STS: variants seen among roughly 807,000 people sequenced by gnomAD.
STS encodes the protein steryl-sulfatase.
STS carries 7 observed loss-of-function variants against 26.8 expected under a neutral mutation model. That is an observed-to-expected ratio of 0.26 (90% CI 0.15 to 0.49). STS has a LOEUF of 0.49. Ranked by LOEUF, STS falls within the 20% of genes least tolerant of loss-of-function variation. The pLI is 0.98. For synonymous variants in STS, 199 were observed against 189.4 expected (o/e 1.05, Z -0.42); for missense variants, 434 against 465.6 (o/e 0.93, Z 0.63).
intron 1 of STS, among the ~76,000 whole-genome samples, chrX:7,170,464 G>A (rs924642606): frequency 9.1e-6 from 1 of 110,276 alleles, no homozygotes; most frequent in Non-Finnish European, 1.9e-5. Flanking sequence ...TTGAGACAGG[G>A]TTTCACTCTG....
At chrX:7,310,802 C>T (rs1241210811) in intron 8 of STS, among the ~76,000 whole-genome samples, 1 of 111,347 alleles carries the variant, frequency 9.0e-6, no homozygotes, top group Non-Finnish European at 1.9e-5. Flanking sequence ...CATCCAACTG[C>T]AGGGCATCCC....
intron 2 of STS, among the ~76,000 whole-genome samples, chrX:7,204,181 A>G (rs802886): frequency 1.8e-5 from 2 of 110,065 alleles, no homozygotes; most frequent in African/African-American, 3.3e-5. Context: ...TTATATATGA[A>G]AAAATATTCT....
intron 1 of STS, among the ~76,000 whole-genome samples, chrX:7,155,172 T>A (rs1226489899): frequency 8.9e-6 from 1 of 112,328 alleles, no homozygotes; most frequent in African/African-American, 3.2e-5. Flanking sequence ...CTTCCCATTT[T>A]TTTTTTTAAC....
chrX:7,351,119 T>G lies in STS; in HGVS notation c.*858T>G, dbSNP rs1928778441. 1 of 112,143 alleles carries G rather than the reference T, an allele frequency of 8.9e-6. No homozygotes were observed. Among genetic ancestry groups the G allele is most frequent in the African/African-American group, 3.2e-5 (1 of 30,850 alleles). The allele number at this position is 112,143 out of a possible 1,213,427, so 9.2% of individuals were successfully genotyped here. On this transcript the variant is annotated 3_prime_UTR_variant, in exon 11 of 11. Transcript: ENST00000674429. Reference sequence around the variant, plus strand: ...ATAATTTGTAGTATAATTCTTGGATTCCACTGTTTTCTTTGGGGAATGGAA... The same window carrying G: ...ATAATTTGTAGTATAATTCTTGGATGCCACTGTTTTCTTTGGGGAATGGAA...
chrX:7,211,515 G>A (rs1921030452), intron 2 of STS, among the ~76,000 whole-genome samples: 1 of 111,845 alleles, frequency 8.9e-6, no homozygotes, highest in Non-Finnish European at 1.9e-5. Flanking sequence ...GGCACCAGTT[G>A]GTGTCCAGCA....
At chrX:7,333,394 T>A (rs1001846058) in intron 9 of STS, among the ~76,000 whole-genome samples, 3 of 112,493 alleles carry the variant, frequency 2.7e-5, no homozygotes, top group Non-Finnish European at 5.6e-5. Context: ...GGAGATATAT[T>A]TTCATTTGGG....
intron 1 of STS, among the ~76,000 whole-genome samples, chrX:7,150,923 A>G (rs1601613963): frequency 8.9e-6 from 1 of 112,410 alleles, no homozygotes; most frequent in Admixed American, 9.4e-5. Context: ...ATTTCCTTCC[A>G]TGAATTACAG....
rs190302823 is a variant in STS, at chrX:7,316,469, G to C, written c.1082-8870G>C. ...GCTTCTTAATTACAACAGCAGAGTT[G>C]AGTAGTTGAGAAAGCCACCCAAAGA... On this transcript the variant is annotated intron_variant, in intron 8 of 10. Transcript: ENST00000674429. Among the ~76,000 whole-genome samples the C allele has an allele frequency of 2.7e-5, 3 of 112,137 alleles. No individual in the cohort carries two copies. The Admixed American group carries it at 2.8e-4, about 11-fold the overall frequency.
At chrX:7,279,311 A>ATGTGTGTGTG (rs532132394) in intron 7 of STS, among the ~76,000 whole-genome samples, 7 of 78,119 alleles carry the variant, frequency 9.0e-5, no homozygotes, top group African/African-American at 3.3e-4. Flanking sequence ...ATATATATAT[A>ATGTGTGTGTG]TGTGTGTGTG....
chrX:7,260,127 G>C (rs922199144), intron 6 of STS, among the ~76,000 whole-genome samples: 1 of 112,133 alleles, frequency 8.9e-6, no homozygotes, highest in Non-Finnish European at 1.9e-5. Flanking sequence ...CGCCCGCCTC[G>C]GCCTCCCAAA....
chrX:7,230,566 A>C (rs758475477), intron 2 of STS, among the ~76,000 whole-genome samples: 2 of 112,266 alleles, frequency 1.8e-5, no homozygotes, highest in Non-Finnish European at 3.8e-5. Flanking sequence ...TTATAAAGGA[A>C]AGAGGTTTAA....
At chrX:7,209,914 C>T (rs1352043097) in intron 2 of STS, among the ~76,000 whole-genome samples, 2 of 111,188 alleles carry the variant, frequency 1.8e-5, no homozygotes, top group African/African-American at 6.5e-5. Context: ...CTGAGGATGA[C>T]GGCTTCCAGC....
chrX:7,219,355 GC>G (rs1274612099), intron 2 of STS: 4 of 938,140 alleles, frequency 4.3e-6, no homozygotes, highest in Admixed American at 4.6e-5. Context: ...GGGAGAAGTT[GC>G]CCCTTCTGAA....
intron 2 of STS, among the ~76,000 whole-genome samples, chrX:7,208,932 T>A (rs1920971475): frequency 9.0e-6 from 1 of 111,368 alleles, no homozygotes; most frequent in African/African-American, 3.3e-5. Flanking sequence ...TTCCTCCATC[T>A]TCAAGGCTGG....
chrX:7,303,108 G>A (rs1416157403), intron 7 of STS, among the ~76,000 whole-genome samples: 3 of 111,094 alleles, frequency 2.7e-5, no homozygotes, highest in Non-Finnish European at 5.7e-5. Flanking sequence ...GGAGGGACCC[G>A]GTGGGAGATA....
intron 7 of STS, among the ~76,000 whole-genome samples, chrX:7,277,071 A>T (rs1487897636): frequency 9.0e-6 from 1 of 110,993 alleles, no homozygotes; most frequent in African/African-American, 3.3e-5. Flanking sequence ...TTAGTGTGTG[A>T]GTTACGCAAA....
At chrX:7,242,595 G>C (rs1922676552) in intron 2 of STS, among the ~76,000 whole-genome samples, 1 of 110,388 alleles carries the variant, frequency 9.1e-6, no homozygotes, top group Admixed American at 9.7e-5. Context: ...GTGAGACCCT[G>C]TCTCAAAATA....
chrX:7,280,038 T>C (rs1167985536), intron 7 of STS, among the ~76,000 whole-genome samples: 3 of 111,947 alleles, frequency 2.7e-5, no homozygotes, highest in African/African-American at 9.7e-5. Context: ...CACCACTTTG[T>C]TTCTTTTCTT....
chrX:7,178,534 T>A, intron 1 of STS, among the ~76,000 whole-genome samples: 1 of 111,644 alleles, frequency 9.0e-6, no homozygotes, highest in Non-Finnish European at 1.9e-5. Context: ...GATTTTGTCC[T>A]TTTGCTTGGG....
Sources: gnomAD v4.1 joint callset for allele counts (sites outside exome capture counted in the v4.1 genomes callset) on GRCh38, gnomAD v4.1.1 for gene constraint, MANE v1.5 for transcripts, NCBI Gene and HGNC (gene_info 2026-07-23, HGNC 2026-07-21) for gene names.